IL18BP: variants seen among roughly 807,000 people sequenced by gnomAD.
IL18BP encodes interleukin 18 binding protein.
In IL18BP, 23 loss-of-function variants were observed where a neutral mutation model predicts 19.9. The ratio of observed to expected loss-of-function variants is 1.15; its 90% CI spans 0.83 to 1.64. The LOEUF is 1.64. IL18BP is among the 40% of genes most tolerant of loss of function. The pLI is 0.00. For missense variants in IL18BP, 239 were observed against 240.7 expected (o/e 0.99, Z 0.05); for synonymous variants, 107 against 101.0 (o/e 1.06, Z -0.35).
Position 72,000,385 on chromosome 11 carries a change from C to T in IL18BP, c.63C>T (p.Ala21=), listed in dbSNP as rs1232891214. The T allele has an allele frequency of 1.2e-6, 2 of 1,613,928 alleles. No homozygotes were observed. The highest frequency in any genetic ancestry group is 1.7e-6 in the Non-Finnish European group (2 of 1,180,028). ...CTTTGTGGGTCCTGCTCCTGTGTGCCCACGTCGTCACTCTCCTGGTCAGAG... is the reference window on the plus strand; with the variant it reads ...CTTTGTGGGTCCTGCTCCTGTGTGCTCACGTCGTCACTCTCCTGGTCAGAG... ...LSPLWVLLLC[A]HVVTLLVRAT... Residue 21 remains alanine (A), a synonymous_variant, in exon 3 of 6, where the codon GCC becomes GCT. Coordinates refer to ENST00000393703, the MANE Select transcript of IL18BP (RefSeq NM_001039660.2).
rs531211831 is a variant in IL18BP at position 72,001,465 on chromosome 11, C to G, written c.420C>G (p.Thr140=). Residue 140 remains threonine, a synonymous_variant, in exon 5 of 6, where the codon ACC becomes ACG. Transcript: ENST00000393703. ...LCKALVLEQL[T]PALHSTNFSC... is the part of the protein sequence containing the mutation. ...AGGCCTTGGTGCTGGAGCAGCTGAC[C>G]CCTGCCCTGCACAGCACCAACTTCT... The G allele has an allele frequency of 2.5e-6, 4 of 1,614,056 alleles. No homozygotes were observed. The highest frequency in any genetic ancestry group is 1.3e-5 in the African/African-American group (1 of 74,950).
chr11:72,007,619 C>T (rs1955831665), downstream of IL18BP: 1 of 703,388 alleles, frequency 1.4e-6, no homozygotes, highest in Non-Finnish European at 2.4e-6. Context: ...AGTCCACTCC[C>T]CTGGCTTCTC....
downstream of IL18BP, among the ~76,000 whole-genome samples, chr11:72,006,482 CA>C (rs931267083): frequency 6.6e-6 from 1 of 152,152 alleles, no homozygotes; most frequent in African/African-American, 2.4e-5. Flanking sequence ...GCATTTTTTT[CA>C]TGGAGTCTAT....
chr11:72,003,896 G>C, downstream of IL18BP: 2 of 1,613,656 alleles, frequency 1.2e-6, no homozygotes, highest in Non-Finnish European at 1.7e-6. Context: ...CCTTGCCCTT[G>C]GCTCGAGGGG....
At chr11:72,000,316 C>T (rs1159780746) in intron 2 of IL18BP, 35 bp from the exon 3 acceptor site, 1 of 1,589,682 alleles carries the variant, frequency 6.3e-7, no homozygotes, top group Non-Finnish European at 8.6e-7. Flanking sequence ...CACTCTGTCT[C>T]CAGAGCCGCT....
At chr11:71,999,061 TG>T (rs1955073739) in intron 1 of IL18BP, 42 bp downstream of exon 1, 1 of 464,348 alleles carries the variant, frequency 2.2e-6, no homozygotes, top group Admixed American at 2.3e-5. Context: ...CCTGTGGCTC[TG>T]GCCAGAGGGG....
At chr11:72,007,083 A>C, downstream of IL18BP, 1 of 1,358,376 alleles carries the variant, frequency 7.4e-7, no homozygotes, top group South Asian at 1.3e-5. Flanking sequence ...TGTAACATGG[A>C]CTGGCTGCTC....
At chr11:72,001,606 G>A in intron 5 of IL18BP, 54 bp downstream of exon 5, 1 of 1,592,680 alleles carries the variant, frequency 6.3e-7, no homozygotes, top group Non-Finnish European at 8.6e-7. Flanking sequence ...GCTTCCATAT[G>A]TGGGGAGGAA....
At chr11:71,999,483 T>C in intron 1 of IL18BP, 1 of 212,042 alleles carries the variant, frequency 4.7e-6, no homozygotes, top group African/African-American at 2.3e-5. Context: ...AGCTGAAGGT[T>C]TCTGGCCACT....
chr11:72,007,447 A>AG, downstream of IL18BP: 2 of 1,612,656 alleles, frequency 1.2e-6, no homozygotes, highest in Non-Finnish European at 1.7e-6. Context: ...TATGGAAAGG[A>AG]AACCTGCTGA....
At chr11:72,007,205 T>A (rs757449639), downstream of IL18BP, 7 of 1,609,990 alleles carry the variant, frequency 4.3e-6, no homozygotes, top group South Asian at 6.6e-5. Context: ...CATGGTGATG[T>A]TGATGATCTG....
chr11:72,005,912 T>G (rs1590858242), downstream of IL18BP: 35 of 785,634 alleles, frequency 4.5e-5, no homozygotes, highest in East Asian at 2.6e-5. Flanking sequence ...GAGGGGCAGG[T>G]GGAGCTGGAT....
At position 72,000,310 on chromosome 11, in the gene IL18BP, C is replaced by T. The variant is rs5743668; in HGVS notation, c.29-41C>T. The T allele has an allele frequency of 2.4e-4, 369 of 1,561,904 alleles. 5 individuals carry two copies. In the East Asian group the frequency reaches 3.7e-3, roughly 16 times the overall value. The stretch of plus-strand genomic sequence containing the variant: ...TACATCCTTACCCGGGCAGCCCACT[C>T]TGTCTCCAGAGCCGCTGACCTGTAA... On this transcript the variant is annotated intron_variant, in intron 2 of 5. Transcript: ENST00000393703.
chr11:72,007,509 A>G (rs1955821915), downstream of IL18BP: 3 of 1,550,774 alleles, frequency 1.9e-6, no homozygotes, highest in African/African-American at 2.7e-5. Flanking sequence ...TTTGAAAGTG[A>G]CCATTTCCCA....
rs372537933 is a variant in IL18BP at position 72,001,343 on chromosome 11, A to G, written c.359+19A>G. The stretch of plus-strand genomic sequence containing the variant: ...GCACCAGGTGAGGGTCGCAGCAGCC[A>G]GGTGGGTGGGAAGGAGGCCTTCTGC... On this transcript the variant is annotated intron_variant, in intron 4 of 5. Coordinates refer to ENST00000393703, the MANE Select transcript of IL18BP (RefSeq NM_001039660.2). 1.9e-6 allele frequency: 3 copies of G among 1,614,212 alleles called. No homozygotes were observed. Among genetic ancestry groups the G allele is most frequent in the African/African-American group, 1.3e-5 (1 of 75,060 alleles).
chr11:72,003,258 G>C, downstream of IL18BP: 1 of 517,672 alleles, frequency 1.9e-6, no homozygotes, highest in Non-Finnish European at 3.5e-6. Flanking sequence ...TGGTTGTGAT[G>C]GAGAAGTGAC....
chr11:72,000,560 A>G lies in IL18BP; in HGVS notation c.235+3A>G. ...GCCAGAGGTGGAAGTGCCACTGAGT[A>G]AGAAGCACAGTGGTGGAGGGTGGGC... is the stretch of plus-strand genomic sequence containing the variant. On this transcript the variant is annotated splice_donor_region_variant and intron_variant, in intron 3 of 5. Transcript: ENST00000393703. 6.2e-7 allele frequency: 1 copy of G among 1,607,576 alleles called. No individual in the cohort carries two copies. Among genetic ancestry groups the G allele is most frequent in the Non-Finnish European group, 8.5e-7 (1 of 1,179,030 alleles).
chr11:72,004,463 A>G, downstream of IL18BP: 3 of 1,218,680 alleles, frequency 2.5e-6, no homozygotes, highest in Non-Finnish European at 3.5e-6. Flanking sequence ...TCCCCTTCCC[A>G]ACTCTGGGCC....
rs1352323414 is a variant in IL18BP, at chr11:72,002,585, C to T, written c.*724C>T. The T allele has an allele frequency of 6.4e-6, 1 of 155,762 alleles. No individual in the cohort carries two copies. The highest frequency in any genetic ancestry group is 2.4e-5 in the African/African-American group (1 of 41,526). 9.6% of individuals were successfully genotyped at this position (155,762 alleles called of 1,614,324 possible). On this transcript the variant is annotated 3_prime_UTR_variant, in exon 6 of 6. Transcript: ENST00000393703. ...TTCCACTCCCAGGAACTTTGCCTGT[C>T]CCACGAGGGAGTATGGGAGAGAGGG...
Sources: gnomAD v4.1 joint callset for allele counts (sites outside exome capture counted in the v4.1 genomes callset) on GRCh38, gnomAD v4.1.1 for gene constraint, MANE v1.5 for transcripts, NCBI Gene and HGNC (gene_info 2026-07-23, HGNC 2026-07-21) for gene names.